KCNIP4: variants seen among roughly 807,000 people sequenced by gnomAD.
The protein encoded by KCNIP4 is potassium voltage-gated channel interacting protein 4.
KCNIP4 carries 12 observed loss-of-function variants against 34.0 expected under a neutral mutation model. That is an observed-to-expected ratio of 0.35 (90% CI 0.23 to 0.57). The LOEUF is 0.57. Ranked by LOEUF, KCNIP4 falls within the 20% of genes least tolerant of loss-of-function variation. The pLI is 0.83. For synonymous variants in KCNIP4, 124 were observed against 102.2 expected, an observed-to-expected ratio of 1.21 and a Z score of -1.29; for missense variants, 238 against 311.7, an observed-to-expected ratio of 0.76 and a Z score of 1.78.
chr4:21,409,386 T>C (rs1316140495), intron 1 of KCNIP4, among the ~76,000 whole-genome samples: 1 of 152,126 alleles, frequency 6.6e-6, no homozygotes, highest in Non-Finnish European at 1.5e-5. Context: ...ATTACAAGCA[T>C]GCACCCAGCC....
At chr4:20,742,077 A>G (rs1416239456) in intron 5 of KCNIP4, among the ~76,000 whole-genome samples, 1 of 152,222 alleles carries the variant, frequency 6.6e-6, no homozygotes, top group Non-Finnish European at 1.5e-5. Flanking sequence ...GCAATAATTA[A>G]TAGCCTGCCA....
intron 1 of KCNIP4, among the ~76,000 whole-genome samples, chr4:21,381,405 T>G (rs1269388076): frequency 2.0e-5 from 3 of 152,222 alleles, no homozygotes; most frequent in Non-Finnish European, 4.4e-5. Flanking sequence ...TTATCATTCA[T>G]ATGCTTTCAT....
chr4:20,833,034 G>A (rs1718615682), intron 3 of KCNIP4, among the ~76,000 whole-genome samples: 1 of 152,176 alleles, frequency 6.6e-6, no homozygotes, highest in South Asian at 2.1e-4. Flanking sequence ...ACTAGGTCCA[G>A]GCTCTGTCAC....
chr4:20,935,837 A>G (rs969310935), intron 1 of KCNIP4, among the ~76,000 whole-genome samples: 2 of 151,790 alleles, frequency 1.3e-5, no homozygotes, highest in South Asian at 4.2e-4. Flanking sequence ...AACTTCCTCA[A>G]ACCAGCTATA....
chr4:21,748,752 G>C (rs1296817596), intron 1 of KCNIP4, among the ~76,000 whole-genome samples: 1 of 152,008 alleles, frequency 6.6e-6, no homozygotes, highest in Non-Finnish European at 1.5e-5. Flanking sequence ...AACTGGCAAA[G>C]AAAAGAAATA....
At chr4:21,646,115 A>T (rs532520885) in intron 1 of KCNIP4, among the ~76,000 whole-genome samples, 2 of 152,176 alleles carry the variant, frequency 1.3e-5, no homozygotes, top group African/African-American at 2.4e-5. Context: ...CTACCACCCT[A>T]ATCCTTCATT....
rs1712078991 is a variant in KCNIP4 at position 21,304,043 on chromosome 4, G to GAGAA, written c.62-421335_62-421334insTTCT. 1.3e-5 allele frequency: 7 copies of GAGAA among 551,926 alleles called. No individual in the cohort carries two copies. In the East Asian group the frequency reaches 3.9e-4, roughly 31 times the overall value. 34.2% of individuals were successfully genotyped at this position (551,926 alleles called of 1,614,324 possible). On this transcript the variant is annotated intron_variant, in intron 1 of 8. Coordinates refer to ENST00000382152, the MANE Select transcript of KCNIP4 (RefSeq NM_025221.6). ...GAGGAGAGCGTATGAGAGAGAGAGAGAGAGAGAGAGAGAGAGAGAGAGAGA... is the reference window on the plus strand; with the variant it reads ...GAGGAGAGCGTATGAGAGAGAGAGAGAGAAAGAGAGAGAGAGAGAGAGAGAGAGA...
intron 1 of KCNIP4, among the ~76,000 whole-genome samples, chr4:21,498,413 A>C (rs10029830): frequency 0.038 from 5,743 of 152,166 alleles, 320 homozygotes; most frequent in African/African-American, 0.12. Context: ...TCTCTTGTCC[A>C]TTTGGGGGGT....
Position 21,501,248 on chromosome 4 carries a change from T to TCTCTCACACACACACACACACACA in KCNIP4, c.61+447322_61+447323insTGTGTGTGTGTGTGTGTGTGAGAG, listed in dbSNP as rs764571152. Among the ~76,000 whole-genome samples, 10 of 104,292 alleles carry TCTCTCACACACACACACACACACA rather than the reference T, an allele frequency of 9.6e-5. No homozygotes were observed. The South Asian group carries it at 3.1e-3, about 33-fold the overall frequency. 68.4% of individuals were successfully genotyped at this position (104,292 alleles called of 152,430 possible). A position where few individuals can be genotyped will look rare whatever the true frequency, so the allele number is the denominator to read the frequency against. On this transcript the variant is annotated intron_variant, in intron 1 of 8. Transcript: ENST00000382152. ...TTCTCTCTCTCTCTCTCTCTCTCTC[T>TCTCTCACACACACACACACACACA]CACACACACACACACACACACACAC...
At chr4:21,097,422 A>C (rs1379375277) in intron 1 of KCNIP4, among the ~76,000 whole-genome samples, 2 of 152,174 alleles carry the variant, frequency 1.3e-5, no homozygotes, top group Non-Finnish European at 2.9e-5. Flanking sequence ...TTTTTTACAA[A>C]CTAAAGATTT....
At chr4:21,423,106 T>C (rs1725624226) in intron 1 of KCNIP4, among the ~76,000 whole-genome samples, 1 of 152,156 alleles carries the variant, frequency 6.6e-6, no homozygotes, top group South Asian at 2.1e-4. Flanking sequence ...AGTCAAGAGA[T>C]AGCACCTGGA....
At chr4:21,082,504 T>C (rs1325782124) in intron 1 of KCNIP4, among the ~76,000 whole-genome samples, 1 of 151,854 alleles carries the variant, frequency 6.6e-6, no homozygotes, top group Non-Finnish European at 1.5e-5. Flanking sequence ...TAGTATTTTC[T>C]TCCCAACAAT....
intron 1 of KCNIP4, among the ~76,000 whole-genome samples, chr4:21,196,610 C>T (rs62295288): frequency 0.44 from 66,558 of 151,678 alleles, 16,772 homozygotes; most frequent in African/African-American, 0.71. Flanking sequence ...TGTTCTGACA[C>T]TTGGTTTGCT....
intron 1 of KCNIP4, among the ~76,000 whole-genome samples, chr4:21,800,926 CT>C (rs1183730630): frequency 6.6e-6 from 1 of 152,216 alleles, no homozygotes; most frequent in African/African-American, 2.4e-5. Context: ...GCCAACGTTT[CT>C]CATGAGAAGT....
intron 1 of KCNIP4, among the ~76,000 whole-genome samples, chr4:21,277,399 CAA>C (rs1762506448): frequency 6.6e-6 from 1 of 152,008 alleles, no homozygotes; most frequent in East Asian, 1.9e-4. Flanking sequence ...AGGAAACAAA[CAA>C]AAATAAATTT....
At chr4:21,238,824 A>C in intron 1 of KCNIP4, among the ~76,000 whole-genome samples, 1 of 152,190 alleles carries the variant, frequency 6.6e-6, no homozygotes. Flanking sequence ...TATAAATTCA[A>C]TGCCATCCCC....
At chr4:20,821,854 A>ATGTGTG (rs139608764) in intron 3 of KCNIP4, among the ~76,000 whole-genome samples, 2 of 150,484 alleles carry the variant, frequency 1.3e-5, no homozygotes, top group African/African-American at 2.4e-5. Context: ...GTGTGTGTGT[A>ATGTGTG]TGTGTGTGTG....
intron 1 of KCNIP4, among the ~76,000 whole-genome samples, chr4:20,952,920 G>C (rs972270110): frequency 1.3e-5 from 2 of 152,246 alleles, no homozygotes; most frequent in African/African-American, 4.8e-5. Flanking sequence ...ACACCGTCTT[G>C]CTGTGTCTTC....
chr4:20,734,839 A>C (rs2149274698), intron 5 of KCNIP4, 104 bp from the exon 6 acceptor site: 1 of 568,562 alleles, frequency 1.8e-6, no homozygotes, highest in Non-Finnish European at 3.0e-6. Flanking sequence ...GATCTTGAAC[A>C]TTTAGCAAAA....
Sources: gnomAD v4.1 joint callset for allele counts (sites outside exome capture counted in the v4.1 genomes callset) on GRCh38, gnomAD v4.1.1 for gene constraint, MANE v1.5 for transcripts, NCBI Gene and HGNC (gene_info 2026-07-23, HGNC 2026-07-21) for gene names.